The following EVPL variants were observed in gnomAD, a reference collection of about 807,000 sequenced individuals.
The protein encoded by EVPL is envoplakin.
Under a neutral mutation model 129.7 loss-of-function variants are expected in EVPL, and 94 were observed. The ratio of observed to expected loss-of-function variants is 0.72; its 90% CI spans 0.61 to 0.86. The LOEUF (loss-of-function observed/expected upper bound fraction) is 0.86. Ranked by LOEUF, EVPL falls within the 40% of genes least tolerant of loss-of-function variation. The pLI, the probability that EVPL is intolerant of heterozygous loss-of-function variation, is 0.00. For missense variants in EVPL, 2,625 were observed against 2,721.1 expected, an observed-to-expected ratio of 0.96 and a Z score of 0.79; for synonymous variants, 1,172 against 1,191.1, an observed-to-expected ratio of 0.98 and a Z score of 0.33.
chr17:76,019,491 G>C (rs768508350), intron 10 of EVPL, 37 bp downstream of exon 10: 5 of 1,528,956 alleles, frequency 3.3e-6, no homozygotes, highest in South Asian at 1.3e-5. Context: ...CCAATTCCCA[G>C]AAGTGGGGTG....
rs1829872401 is a variant in EVPL at position 76,024,230 on chromosome 17, C to T, written c.99-110G>A. 9.9e-7 allele frequency: 1 copy of T among 1,015,216 alleles called. No homozygotes were observed. The highest frequency in any genetic ancestry group is 1.4e-5 in the South Asian group (1 of 69,228). The allele number at this position is 1,015,216 out of a possible 1,614,324, so 62.9% of individuals were successfully genotyped here. On this transcript the variant is annotated intron_variant, in intron 1 of 21. Transcript: ENST00000301607. The surrounding 1 kb of genome is among the most constrained non-coding windows in gnomAD (Gnocchi z 4.5). ...ACCCCATCCTGCCCCCACAGCCTAG[C>T]TCACTGCCCTGACTTTGGGGTCTCT...
chr17:76,021,460 G>A lies in EVPL; in HGVS notation c.1011+8C>T. 6.2e-7 allele frequency: 1 copy of A among 1,602,024 alleles called. No homozygotes were observed. Among genetic ancestry groups the A allele is most frequent in the Non-Finnish European group, 8.5e-7 (1 of 1,175,700 alleles). On this transcript the variant is annotated splice_region_variant and intron_variant, in intron 9 of 21. Coordinates refer to ENST00000301607, the MANE Select transcript of EVPL (RefSeq NM_001988.4). Reference sequence around the variant, plus strand: ...CCTGCCGCCCCTGCCGCCTGCCCGAGGGCTCACCCGGCGGTAGTCCTCCAC... The same window carrying A: ...CCTGCCGCCCCTGCCGCCTGCCCGAAGGCTCACCCGGCGGTAGTCCTCCAC...
rs757878635 is a variant in EVPL at position 76,021,600 on chromosome 17, C to CCG, written c.916-38_916-37insCG. 4.7e-5 allele frequency: 69 copies of CCG among 1,458,024 alleles called. 1 individual carries two copies. The highest frequency in any genetic ancestry group is 2.4e-4 in the Middle Eastern group (1 of 4,220). The allele number at this position is 1,458,024 out of a possible 1,614,324, so 90.3% of individuals were successfully genotyped here. A position where few individuals can be genotyped will look rare whatever the true frequency, so the allele number is the denominator to read the frequency against. Reference sequence around the variant, plus strand: ...AGCATGGAGCCCTCGGACCACGCCCCCCCCACGTCCGCCCCACCTCCCCCC... The same window carrying CCG: ...AGCATGGAGCCCTCGGACCACGCCCCCGCCCCACGTCCGCCCCACCTCCCCCC... On this transcript the variant is annotated intron_variant, in intron 8 of 21. Transcript: ENST00000301607.
Position 76,023,270 on chromosome 17 carries a change from G to C in EVPL, c.480+22C>G, listed in dbSNP as rs571021178. The C allele has an allele frequency of 6.2e-6, 10 of 1,613,474 alleles. No homozygotes were observed. In the South Asian group the frequency reaches 7.7e-5, roughly 12 times the overall value. On this transcript the variant is annotated intron_variant, in intron 4 of 21. Coordinates refer to ENST00000301607, the MANE Select transcript of EVPL (RefSeq NM_001988.4). ...CCGTATCGCCCTCTGATCACACTGG[G>C]GTGTGACTTTGAGTTCCTGACCTGT...
rs756303950 is a variant in EVPL at position 76,007,375 on chromosome 17, G to GC, written c.5829dup (p.Leu1944AlafsTer23). The stretch of plus-strand genomic sequence containing the variant: ...CGGCCTGTCCTCTTGGGGTCGATGA[G>GC]CCCCCCGGTCAGGTGCTGCACCTGC... On this transcript the variant is annotated frameshift_variant, in exon 22 of 22. Coordinates refer to ENST00000301607, the MANE Select transcript of EVPL (RefSeq NM_001988.4). LOFTEE classifies it low-confidence loss of function (END_TRUNC). The surrounding 1 kb of genome is among the most constrained non-coding windows in gnomAD (Gnocchi z 8.8). The GC allele has an allele frequency of 6.3e-6, 10 of 1,596,670 alleles. No individual in the cohort carries two copies. The highest frequency in any genetic ancestry group is 4.0e-5 in the African/African-American group (3 of 74,698).
Position 76,015,066 on chromosome 17 carries a change from C to T in EVPL, c.2072G>A (p.Arg691Gln), listed in dbSNP as rs2066407935. The change falls in exon 17 of 22, where the codon CGG becomes CAG. Residue 691 changes from arginine to glutamine, a missense_variant. By Grantham distance (43) the Arg-to-Gln change is conservative. Coordinates refer to ENST00000301607, the MANE Select transcript of EVPL (RefSeq NM_001988.4). Reference sequence around the variant, plus strand: ...CGAGGCCTTCAGCGCGCGGTGTAGCCGCAGCACGCAGGTCTGCTGTTCCAG... The same window carrying T: ...CGAGGCCTTCAGCGCGCGGTGTAGCTGCAGCACGCAGGTCTGCTGTTCCAG... Reference protein sequence around the residue: ...ELLEQQTCVLRLHRALKASEH... With the variant: ...ELLEQQTCVLQLHRALKASEH... 4 of 1,583,362 alleles carry T rather than the reference C, an allele frequency of 2.5e-6. No individual in the cohort carries two copies. The highest frequency in any genetic ancestry group is 3.4e-6 in the Non-Finnish European group (4 of 1,167,772).
rs138705688 is a variant in EVPL, at chr17:76,008,017, C to T, written c.5188G>A (p.Gly1730Arg). The change falls in exon 22 of 22, where the codon GGG becomes AGG. Residue 1730 changes from glycine to arginine, a missense_variant. Physicochemically the swap from Gly to Arg is moderately radical, Grantham distance 125. Around this residue, in one of 4 missense-constraint regions of EVPL, gnomAD observed 1,453 missense variants for 1,511.8 expected, o/e 0.96. Transcript: ENST00000301607. The surrounding 1 kb of genome is among the most constrained non-coding windows in gnomAD (Gnocchi z 7.4). The part of the protein sequence containing the change: ...ECDWEEVTTS[G>R]PCGEESVLLD... ...AGCACAGACTCCTCCCCACAGGGCC[C>T]CGAGGTGGTGACCTCCTCCCAGTCA... is the stretch of plus-strand genomic sequence containing the variant. 3.7e-6 allele frequency: 6 copies of T among 1,614,014 alleles called. No homozygotes were observed.
chr17:76,010,664 G>C (rs757910013), intron 21 of EVPL, 121 bp from the exon 22 acceptor site: 95 of 1,075,002 alleles, frequency 8.8e-5, no homozygotes, highest in Non-Finnish European at 1.2e-4. Context: ...CTCAGAGGTG[G>C]AGCTGAAGAC....
intron 13 of EVPL, 116 bp downstream of exon 13, chr17:76,018,045 T>C (rs997890212): frequency 4.3e-5 from 65 of 1,527,442 alleles, no homozygotes; most frequent in Non-Finnish European, 5.6e-5. Context: ...AGAGATGAAA[T>C]CCCCAGAGTG....
chr17:76,023,469 G>C (rs2066477485), intron 3 of EVPL, 31 bp downstream of exon 3: 2 of 1,611,858 alleles, frequency 1.2e-6, no homozygotes, highest in Middle Eastern at 1.7e-4. Context: ...TCTTCCCCAG[G>C]GACCCCCAGC....
rs1331252780 is a variant in EVPL, at chr17:76,010,334, C to G, written c.2871G>C (p.Lys957Asn). 1 of 1,613,936 alleles carries G rather than the reference C, an allele frequency of 6.2e-7. No homozygotes were observed. The change falls in exon 22 of 22, where the codon AAG becomes AAC. Residue 957 changes from lysine (K) to asparagine (N), a missense_variant. Coordinates refer to ENST00000301607, the MANE Select transcript of EVPL (RefSeq NM_001988.4). The stretch of plus-strand genomic sequence containing the variant: ...GGTCCCGGTAGAACTCTACCACTTC[C>G]TTCTCCTCCAGCCTCTCCAAGGGCC... ...TQRPLERLEE[K>N]EVVEFYRDPQ...
rs2066483812 is a variant in EVPL, at chr17:76,024,188, T to C, written c.99-68A>G. 2 of 1,411,532 alleles carry C rather than the reference T, an allele frequency of 1.4e-6. No individual in the cohort carries two copies. The highest frequency in any genetic ancestry group is 2.0e-6 in the Non-Finnish European group (2 of 1,015,348). The allele number at this position is 1,411,532 out of a possible 1,614,324, so 87.4% of individuals were successfully genotyped here. A position where few individuals can be genotyped will look rare whatever the true frequency, so the allele number is the denominator to read the frequency against. On this transcript the variant is annotated intron_variant, in intron 1 of 21. Transcript: ENST00000301607. The surrounding 1 kb of genome is among the most constrained non-coding windows in gnomAD (Gnocchi z 4.5). ...CCCTCTGTGCCCCATCCAGGTGGCATCCCCTGCCCTCCCTCCACCCCATCC... is the reference window on the plus strand; with the variant it reads ...CCCTCTGTGCCCCATCCAGGTGGCACCCCCTGCCCTCCCTCCACCCCATCC...
chr17:76,024,021 C>T lies in EVPL; in HGVS notation c.198G>A (p.Gln66=). The change falls in exon 2 of 22, where the codon CAG becomes CAA. Residue 66 remains glutamine, a splice_region_variant and synonymous_variant. Transcript: ENST00000301607. The surrounding 1 kb of genome is among the most constrained non-coding windows in gnomAD (Gnocchi z 4.5). ...CTGCCAACTGCTGCCGGGGCCTCACCTGCTGCAGCCTCTTCTGCGTCTCCA... is the reference window on the plus strand; with the variant it reads ...CTGCCAACTGCTGCCGGGGCCTCACTTGCTGCAGCCTCTTCTGCGTCTCCA... The part of the protein sequence containing the change: ...DILETQKRLQ[Q]DRLNSEQSQA... 4 of 1,612,272 alleles carry T rather than the reference C, an allele frequency of 2.5e-6. No homozygotes were observed. Among genetic ancestry groups the T allele is most frequent in the Non-Finnish European group, 3.4e-6 (4 of 1,179,452 alleles).
At position 76,017,729 on chromosome 17, in the gene EVPL, G is replaced by A; in HGVS notation, c.1710+10C>T. The A allele has an allele frequency of 6.2e-7, 1 of 1,607,716 alleles. No individual in the cohort carries two copies. The highest frequency in any genetic ancestry group is 1.7e-4 in the Middle Eastern group (1 of 6,024). On this transcript the variant is annotated intron_variant, in intron 14 of 21. Coordinates refer to ENST00000301607, the MANE Select transcript of EVPL (RefSeq NM_001988.4). ...CTCATCCCAGCCGCCCCTTCCCGCT[G>A]CTCACCCACCTCATGGCTGTGGATG...
At chr17:76,015,680 C>T (rs781411718) in intron 14 of EVPL, 52 bp from the exon 15 acceptor site, 2 of 1,553,342 alleles carry the variant, frequency 1.3e-6, no homozygotes, top group Non-Finnish European at 8.7e-7. Flanking sequence ...CCGCCCGACT[C>T]TTCTACCAGG....
rs201219428 is a variant in EVPL, at chr17:76,008,127, G to C, written c.5078C>G (p.Thr1693Arg). The change falls in exon 22 of 22, where the codon ACG (threonine) becomes AGG (arginine). Residue 1693 changes from threonine to arginine, a missense_variant. By Grantham distance (71) the Thr-to-Arg change is moderately conservative. Coordinates refer to ENST00000301607, the MANE Select transcript of EVPL (RefSeq NM_001988.4). The surrounding 1 kb of genome is among the most constrained non-coding windows in gnomAD (Gnocchi z 7.4). ...CTCGTATGGGGACATGTCCTTCCCC[G>C]TCTCGGGTTCCAGGATGGAGATCTT... ...STKISILEPE[T>R]GKDMSPYEAY... 1 of 1,614,084 alleles carries C rather than the reference G, an allele frequency of 6.2e-7. No individual in the cohort carries two copies. The highest frequency in any genetic ancestry group is 1.1e-5 in the South Asian group (1 of 91,076).
At chr17:76,021,103 T>A (rs879338161) in intron 9 of EVPL, among the ~76,000 whole-genome samples, 4 of 152,196 alleles carry the variant, frequency 2.6e-5, no homozygotes, top group Non-Finnish European at 5.9e-5. Context: ...TCACCCAGGC[T>A]GGAGTGCAGT....
In EVPL at chr17:76,014,459, G is replaced by GGGGCCGTCGCT. The variant is rs1230551686; in HGVS notation, c.2329_2339dup (p.Ser781AlafsTer17). The GGGGCCGTCGCT allele has an allele frequency of 6.2e-7, 1 of 1,611,630 alleles. No individual in the cohort carries two copies. The highest frequency in any genetic ancestry group is 1.3e-5 in the African/African-American group (1 of 74,910). On this transcript the variant is annotated frameshift_variant, in exon 18 of 22. Coordinates refer to ENST00000301607, the MANE Select transcript of EVPL (RefSeq NM_001988.4). LOFTEE classifies it high-confidence loss of function. ...CCTGCAGCTTGTAGGCGATCTGGCT[G>GGGGCCGTCGCT]GGGCCGTCGCTGGGCCGCACCTGGC...
Position 76,018,269 on chromosome 17 carries a change from G to A in EVPL, c.1440-11C>T. ...AGCTCTGAGGCCAGCCTAGAATGAA[G>A]AGGAGATTGAAGAAAGAGGTCCCCA... On this transcript the variant is annotated splice_polypyrimidine_tract_variant and intron_variant, in intron 12 of 21. Coordinates refer to ENST00000301607, the MANE Select transcript of EVPL (RefSeq NM_001988.4). 6.5e-7 allele frequency: 1 copy of A among 1,532,280 alleles called. No individual in the cohort carries two copies. The highest frequency in any genetic ancestry group is 8.8e-7 in the Non-Finnish European group (1 of 1,136,162). The allele number at this position is 1,532,280 out of a possible 1,614,324, so 94.9% of individuals were successfully genotyped here.
Sources: gnomAD v4.1 joint callset for allele counts (sites outside exome capture counted in the v4.1 genomes callset) on GRCh38, gnomAD v4.1.1 for gene constraint, gnomAD v4.1.1 regional missense constraint, Gnocchi (gnomAD v3.1) non-coding constraint, MANE v1.5 for transcripts, NCBI Gene and HGNC (gene_info 2026-07-23, HGNC 2026-07-21) for gene names.